Variants in SHROOM4 observed in about 807,000 individuals in gnomAD.
The protein encoded by SHROOM4 is protein Shroom4.
In SHROOM4, 17 loss-of-function variants were observed where a neutral mutation model predicts 80.3. The ratio of observed to expected loss-of-function variants is 0.21; its 90% CI spans 0.14 to 0.32. The LOEUF (loss-of-function observed/expected upper bound fraction) is 0.32, where lower values mean the gene tolerates loss of function less well. Ranked by LOEUF, SHROOM4 falls within the 10% of genes least tolerant of loss-of-function variation. The pLI is 1.00. For missense variants in SHROOM4, 993 were observed against 1,140.3 expected (o/e 0.87, Z 1.86); for synonymous variants, 400 against 437.5 (o/e 0.91, Z 1.07).
chrX:50,813,613 T>G (rs782083893), intron 1 of SHROOM4, among the ~76,000 whole-genome samples: 1 of 112,133 alleles, frequency 8.9e-6, no homozygotes, highest in East Asian at 2.9e-4. Context: ...CTGAGGGAAG[T>G]AGCCGCCCCG....
At chrX:50,626,960 G>T (rs1217963472) in intron 5 of SHROOM4, among the ~76,000 whole-genome samples, 2 of 111,327 alleles carry the variant, frequency 1.8e-5, no homozygotes, top group African/African-American at 6.5e-5. Context: ...ATCAGTAAAA[G>T]AACCATTTCA....
chrX:50,798,262 G>A (rs1277336013), intron 1 of SHROOM4, among the ~76,000 whole-genome samples: 2 of 111,522 alleles, frequency 1.8e-5, no homozygotes, highest in East Asian at 5.7e-4. Context: ...CCAGTTACTG[G>A]TCCAATGAAT....
Position 50,588,180 on chromosome X carries a change from T to C in SHROOM4, c.*8515A>G, listed in dbSNP as rs188207287. On this transcript the variant is annotated 3_prime_UTR_variant, in exon 9 of 9. Coordinates refer to ENST00000376020, the MANE Select transcript of SHROOM4 (RefSeq NM_020717.5). ...TCTCATCAGATGGTAGTATTGAGCT[T>C]GCCAGAAAATTTTACTTACAGTGGG... Among the ~76,000 whole-genome samples the C allele has an allele frequency of 1.8e-5, 2 of 111,217 alleles. No individual in the cohort carries two copies. The highest frequency in any genetic ancestry group is 3.3e-5 in the African/African-American group (1 of 30,619).
At chrX:50,651,397 TAAGGCTTGAACAC>T (rs1932053681) in intron 2 of SHROOM4, among the ~76,000 whole-genome samples, 1 of 111,052 alleles carries the variant, frequency 9.0e-6, no homozygotes, top group Non-Finnish European at 1.9e-5. Flanking sequence ...ATAAATCACA[TAAGGCTTGAACAC>T]AAGTTTTTTG....
At chrX:50,698,031 C>G (rs1373159239) in intron 1 of SHROOM4, among the ~76,000 whole-genome samples, 3 of 111,929 alleles carry the variant, frequency 2.7e-5, no homozygotes, top group Admixed American at 9.5e-5. Context: ...TCACTCTACC[C>G]ATTGTTTTTA....
At chrX:50,773,626 G>A (rs1935442899) in intron 1 of SHROOM4, among the ~76,000 whole-genome samples, 1 of 112,063 alleles carries the variant, frequency 8.9e-6, no homozygotes, top group South Asian at 3.7e-4. Context: ...TAATAATGAT[G>A]CTATAAATAG....
intron 1 of SHROOM4, among the ~76,000 whole-genome samples, chrX:50,773,342 T>A (rs1935437202): frequency 8.9e-6 from 1 of 112,031 alleles, no homozygotes; most frequent in African/African-American, 3.2e-5. Flanking sequence ...AAACAAAGCA[T>A]CTAGAATTCT....
At chrX:50,727,316 G>A (rs1569548177) in intron 1 of SHROOM4, among the ~76,000 whole-genome samples, 1 of 112,208 alleles carries the variant, frequency 8.9e-6, no homozygotes. Flanking sequence ...TTTGGAATTG[G>A]GCTTTTGAGT....
intron 1 of SHROOM4, among the ~76,000 whole-genome samples, chrX:50,813,146 G>T (rs1179009757): frequency 2.2e-4 from 20 of 90,668 alleles, no homozygotes; most frequent in African/African-American, 7.6e-4. Context: ...TGGCGGCGGC[G>T]GCGGCGGCGG....
At position 50,592,507 on chromosome X, in the gene SHROOM4, C is replaced by T. The variant is rs1223927971; in HGVS notation, c.*4188G>A. 1 of 200,622 alleles carries T rather than the reference C, an allele frequency of 5.0e-6. No homozygotes were observed. Among genetic ancestry groups the T allele is most frequent in the Admixed American group, 6.9e-5 (1 of 14,529 alleles). 16.5% of individuals were successfully genotyped at this position (200,622 alleles called of 1,213,427 possible). On this transcript the variant is annotated 3_prime_UTR_variant, in exon 9 of 9. Coordinates refer to ENST00000376020, the MANE Select transcript of SHROOM4 (RefSeq NM_020717.5). ...AACACAGTTCATTCTAATGCCAAAGCTGGACTCTTTCTACTCTACCACAAT... is the reference window on the plus strand; with the variant it reads ...AACACAGTTCATTCTAATGCCAAAGTTGGACTCTTTCTACTCTACCACAAT...
chrX:50,638,543 G>A (rs782778869), intron 2 of SHROOM4, among the ~76,000 whole-genome samples: 1 of 112,286 alleles, frequency 8.9e-6, no homozygotes, highest in African/African-American at 3.2e-5. Flanking sequence ...TCCTGAGCAC[G>A]TATCACAGTG....
chrX:50,728,111 G>A lies in SHROOM4; in HGVS notation c.118-32174C>T, dbSNP rs143037372. 6.6e-3 allele frequency among the ~76,000 whole-genome samples: 741 copies of A among 111,611 alleles called. 5 individuals are homozygous for A. The highest frequency in any genetic ancestry group is 0.011 in the Non-Finnish European group (594 of 53,112). On this transcript the variant is annotated intron_variant, in intron 1 of 8. Transcript: ENST00000376020. Reference sequence around the variant, plus strand: ...AGCCATAGAAATAGCCCAAATCCCAGCACTTTGGGAGGCTGAGGTGGGCGG... The same window carrying A: ...AGCCATAGAAATAGCCCAAATCCCAACACTTTGGGAGGCTGAGGTGGGCGG...
chrX:50,654,586 T>C (rs1932235627), intron 2 of SHROOM4, among the ~76,000 whole-genome samples: 1 of 110,556 alleles, frequency 9.0e-6, no homozygotes, highest in Admixed American at 9.8e-5. Flanking sequence ...AATTTAAGTA[T>C]ACAATACATT....
At chrX:50,750,599 G>A (rs782241150) in intron 1 of SHROOM4, among the ~76,000 whole-genome samples, 26 of 112,025 alleles carry the variant, frequency 2.3e-4, no homozygotes, top group Non-Finnish European at 3.8e-5. Context: ...CTAAAGGGAT[G>A]AACTTCTGAA....
intron 2 of SHROOM4, among the ~76,000 whole-genome samples, chrX:50,676,831 A>C (rs944378302): frequency 8.9e-6 from 1 of 111,782 alleles, no homozygotes; most frequent in Admixed American, 9.5e-5. Context: ...AATCAAGTCC[A>C]GTTATTGTAT....
chrX:50,652,945 T>G (rs1252772026), intron 2 of SHROOM4, among the ~76,000 whole-genome samples: 1 of 111,870 alleles, frequency 8.9e-6, no homozygotes, highest in African/African-American at 3.3e-5. Context: ...TTGGTACCAG[T>G]ACCATGTTGT....
chrX:50,717,343 C>G (rs962407810), intron 1 of SHROOM4, among the ~76,000 whole-genome samples: 6 of 111,719 alleles, frequency 5.4e-5, no homozygotes, highest in Admixed American at 9.4e-5. Context: ...TCAGCCTCCC[C>G]AGTAGCTGGG....
intron 5 of SHROOM4, among the ~76,000 whole-genome samples, chrX:50,608,482 A>G (rs1929801637): frequency 9.0e-6 from 1 of 111,322 alleles, no homozygotes; most frequent in Non-Finnish European, 1.9e-5. Flanking sequence ...ACTGAGGCAT[A>G]GAGCATTTAA....
chrX:50,811,176 G>A (rs1427167854), intron 1 of SHROOM4, among the ~76,000 whole-genome samples: 2 of 110,574 alleles, frequency 1.8e-5, no homozygotes, highest in Admixed American at 1.9e-4. Flanking sequence ...GCATGGTAGC[G>A]TGTGCCTGTA....
Sources: allele counts gnomAD v4.1 joint callset (sites outside exome capture counted in the v4.1 genomes callset), GRCh38; gene constraint gnomAD v4.1.1; transcripts MANE v1.5; gene names NCBI Gene and HGNC (gene_info 2026-07-23, HGNC 2026-07-21).